Variants in GALNT17 observed in about 807,000 individuals in gnomAD.
GALNT17 encodes the protein polypeptide N-acetylgalactosaminyltransferase 17.
Under a neutral mutation model 63.7 loss-of-function variants are expected in GALNT17, and 29 were observed. That is an observed-to-expected ratio of 0.46 (90% CI 0.34 to 0.62). The LOEUF (loss-of-function observed/expected upper bound fraction) is 0.62. Among genes scored for constraint, GALNT17 ranks in the 20% least tolerant of loss-of-function variants. The pLI is 0.01. For missense variants in GALNT17, 603 were observed against 799.6 expected (o/e 0.75, Z 2.97); for synonymous variants, 305 against 318.3 (o/e 0.96, Z 0.45).
chr7:71,508,904 G>T (rs1788307627), intron 5 of GALNT17, among the ~76,000 whole-genome samples: 1 of 152,128 alleles, frequency 6.6e-6, no homozygotes, highest in South Asian at 2.1e-4. Context: ...ACACGTTCTT[G>T]TGCGTGCGCT....
At chr7:71,365,199 C>A (rs180677338) in intron 2 of GALNT17, among the ~76,000 whole-genome samples, 1 of 152,074 alleles carries the variant, frequency 6.6e-6, no homozygotes, top group Non-Finnish European at 1.5e-5. Context: ...TCCCAAAGCA[C>A]GGGGATTACA....
At chr7:71,243,290 T>C (rs1408236777) in intron 1 of GALNT17, among the ~76,000 whole-genome samples, 2 of 152,196 alleles carry the variant, frequency 1.3e-5, no homozygotes, top group Non-Finnish European at 2.9e-5. Flanking sequence ...CAATTAAATC[T>C]CTTTTCTCTA....
intron 2 of GALNT17, among the ~76,000 whole-genome samples, chr7:71,373,791 C>A (rs1444856351): frequency 4.6e-5 from 7 of 152,140 alleles, no homozygotes; most frequent in African/African-American, 1.7e-4. Context: ...GGAAAAATTG[C>A]CTTCCATGAA....
intron 3 of GALNT17, among the ~76,000 whole-genome samples, chr7:71,399,903 AT>A (rs754662162): frequency 6.6e-6 from 1 of 152,106 alleles, no homozygotes; most frequent in Admixed American, 6.6e-5. Flanking sequence ...ATGTTTATAT[AT>A]TTTTTAGAGG....
At chr7:71,456,645 A>G (rs532937020) in intron 5 of GALNT17, among the ~76,000 whole-genome samples, 32 of 150,374 alleles carry the variant, frequency 2.1e-4, no homozygotes, top group Non-Finnish European at 4.3e-4. Context: ...AATCGCTTGA[A>G]CTCTTGGCGG....
intron 6 of GALNT17, among the ~76,000 whole-genome samples, chr7:71,572,529 A>AT (rs1789464962): frequency 2.0e-5 from 3 of 150,286 alleles, no homozygotes; most frequent in Non-Finnish European, 4.4e-5. Context: ...AAAAAAAAAA[A>AT]ACTACATGTT....
chr7:71,324,665 G>A (rs772473322), intron 1 of GALNT17, among the ~76,000 whole-genome samples: 5 of 151,884 alleles, frequency 3.3e-5, no homozygotes, highest in Non-Finnish European at 7.4e-5. Flanking sequence ...CTCAAAAAAA[G>A]GAGTTAGCAC....
chr7:71,321,926 T>TTTCTTCCTTCCTTCCTTCCTTC lies in GALNT17; in HGVS notation c.239-13624_239-13623insTTCTTCCTTCCTTCCTTCCTTC, dbSNP rs1563001256. Reference sequence around the variant, plus strand: ...TCCTTCCTTCCTTCCTTCCTTCCCCTCCCTCCCTCCCTCCCTCCCTTCCTT... The same window carrying TTTCTTCCTTCCTTCCTTCCTTC: ...TCCTTCCTTCCTTCCTTCCTTCCCCTTTCTTCCTTCCTTCCTTCCTTCCCCTCCCTCCCTCCCTCCCTTCCTT... On this transcript the variant is annotated intron_variant, in intron 1 of 10. Coordinates refer to ENST00000333538, the MANE Select transcript of GALNT17 (RefSeq NM_022479.3). 4.0e-4 allele frequency among the ~76,000 whole-genome samples: 16 copies of TTTCTTCCTTCCTTCCTTCCTTC among 39,686 alleles called. 1 individual carries two copies. The highest frequency in any genetic ancestry group is 2.7e-3 in the East Asian group (3 of 1,100). The allele number at this position is 39,686 out of a possible 152,430, so 26.0% of individuals were successfully genotyped here.
At chr7:71,703,826 C>A (rs181003796) in intron 9 of GALNT17, among the ~76,000 whole-genome samples, 2 of 151,712 alleles carry the variant, frequency 1.3e-5, no homozygotes, top group South Asian at 2.1e-4. Context: ...GGTCAGAGAC[C>A]GAAGGAAATG....
chr7:71,701,493 GA>G (rs112240383), intron 9 of GALNT17, among the ~76,000 whole-genome samples: 20 of 143,470 alleles, frequency 1.4e-4, no homozygotes, highest in African/African-American at 2.3e-4. Context: ...TCTCAAAAAA[GA>G]AAAAAAAAAG....
chr7:71,145,339 C>G (rs905205301), intron 1 of GALNT17, among the ~76,000 whole-genome samples: 1 of 152,068 alleles, frequency 6.6e-6, no homozygotes, highest in Non-Finnish European at 1.5e-5. Context: ...TACAACATAA[C>G]TAAAAACCTA....
At chr7:71,361,007 T>C (rs1001842565) in intron 2 of GALNT17, among the ~76,000 whole-genome samples, 3 of 152,122 alleles carry the variant, frequency 2.0e-5, no homozygotes, top group Admixed American at 2.0e-4. Context: ...AAACAAATAA[T>C]CCTGATAAAA....
At chr7:71,657,297 T>C (rs2117032347) in intron 6 of GALNT17, among the ~76,000 whole-genome samples, 1 of 152,368 alleles carries the variant, frequency 6.6e-6, no homozygotes, top group Middle Eastern at 3.4e-3. Flanking sequence ...TTTTCATGTG[T>C]AAAATATATT....
intron 6 of GALNT17, among the ~76,000 whole-genome samples, chr7:71,580,261 G>A (rs1246211343): frequency 6.6e-6 from 1 of 151,558 alleles, no homozygotes; most frequent in Non-Finnish European, 1.5e-5. Context: ...ATAGATGATA[G>A]TTTGATAGAT....
chr7:71,515,228 A>G (rs1432845221), intron 5 of GALNT17, among the ~76,000 whole-genome samples: 1 of 152,190 alleles, frequency 6.6e-6, no homozygotes, highest in Non-Finnish European at 1.5e-5. Context: ...AGAGAGAGAA[A>G]TGCCTTAGGA....
intron 2 of GALNT17, among the ~76,000 whole-genome samples, chr7:71,362,844 A>AC (rs1325364188): frequency 2.0e-5 from 3 of 152,150 alleles, no homozygotes; most frequent in Non-Finnish European, 2.9e-5. Context: ...TGACTGAAAG[A>AC]CCGTACACGG....
chr7:71,416,350 G>A lies in GALNT17; in HGVS notation c.764+287G>A, dbSNP rs565511075. 9.9e-5 allele frequency among the ~76,000 whole-genome samples: 15 copies of A among 152,262 alleles called. No homozygotes were observed. The East Asian group carries it at 1.2e-3, about 12-fold the overall frequency. ...TATCAGGCTGGGCATGGTGGCTTGC[G>A]CCTGTAATCCCTACACTTTAGGAGC... On this transcript the variant is annotated intron_variant, in intron 4 of 10. Coordinates refer to ENST00000333538, the MANE Select transcript of GALNT17 (RefSeq NM_022479.3).
intron 1 of GALNT17, among the ~76,000 whole-genome samples, chr7:71,247,356 T>G (rs1170748013): frequency 6.6e-6 from 1 of 152,198 alleles, no homozygotes; most frequent in Non-Finnish European, 1.5e-5. Flanking sequence ...TGGCTACAAT[T>G]GTCTCTTGAA....
intron 9 of GALNT17, among the ~76,000 whole-genome samples, chr7:71,695,535 A>T (rs1228704907): frequency 1.3e-5 from 2 of 152,098 alleles, no homozygotes; most frequent in Non-Finnish European, 2.9e-5. Flanking sequence ...ATGGAAGCGT[A>T]AGGTAAATAA....
Sources: allele counts gnomAD v4.1 joint callset (sites outside exome capture counted in the v4.1 genomes callset), GRCh38; gene constraint gnomAD v4.1.1; transcripts MANE v1.5; gene names NCBI Gene and HGNC (gene_info 2026-07-23, HGNC 2026-07-21).